Variants in IGSF3 observed in about 807,000 individuals in gnomAD.
IGSF3 encodes the protein immunoglobulin superfamily member 3, also known as glu-Trp-Ile EWI motif-containing protein 3.
IGSF3 carries 23 observed loss-of-function variants against 114.4 expected under a neutral mutation model. That is an observed-to-expected ratio of 0.20 (90% CI 0.14 to 0.28). IGSF3 has a LOEUF of 0.28. Among genes scored for constraint, IGSF3 ranks in the 10% least tolerant of loss-of-function variants. The pLI is 1.00. For synonymous variants in IGSF3, 571 were observed against 645.2 expected (o/e 0.88, Z 1.74); for missense variants, 1,172 against 1,591.5 (o/e 0.74, Z 4.48).
At position 116,574,800 on chromosome 1, in the gene IGSF3, G is replaced by A. The variant is rs1659270662; in HGVS notation, c.*2512C>T. 6.6e-6 allele frequency: 1 copy of A among 152,580 alleles called. No homozygotes were observed. The highest frequency in any genetic ancestry group is 2.4e-5 in the African/African-American group (1 of 41,434). 9.5% of individuals were successfully genotyped at this position (152,580 alleles called of 1,614,324 possible). Reference sequence around the variant, plus strand: ...GCAATGAGGTCTCACAGCCACTGGAGGGCACCATTACCATCCATCTGACAT... The same window carrying A: ...GCAATGAGGTCTCACAGCCACTGGAAGGCACCATTACCATCCATCTGACAT... On this transcript the variant is annotated 3_prime_UTR_variant, in exon 11 of 11. Coordinates refer to ENST00000369486, the MANE Select transcript of IGSF3 (RefSeq NM_001007237.3). This position sits in a 1 kb window ranked among gnomAD's most constrained non-coding sequence, Gnocchi z 5.2.
rs1038389076 is a variant in IGSF3, at chr1:116,610,401, C to T, written c.833-2070G>A. ...CATGCCTTGGTGACACCTTCATGTTCCCAGGTTGAAGACACAAGATTTACC... is the reference window on the plus strand; with the variant it reads ...CATGCCTTGGTGACACCTTCATGTTTCCAGGTTGAAGACACAAGATTTACC... On this transcript the variant is annotated intron_variant, in intron 4 of 10. Coordinates refer to ENST00000369486, the MANE Select transcript of IGSF3 (RefSeq NM_001007237.3). This position sits in a 1 kb window ranked among gnomAD's most constrained non-coding sequence, Gnocchi z 4.3. Among the ~76,000 whole-genome samples the T allele has an allele frequency of 2.4e-4, 37 of 152,180 alleles. No individual in the cohort carries two copies. Among genetic ancestry groups the T allele is most frequent in the Non-Finnish European group, 5.0e-4 (34 of 68,038 alleles).
intron 2 of IGSF3, among the ~76,000 whole-genome samples, chr1:116,630,881 G>A (rs1185713798): frequency 6.6e-6 from 1 of 152,232 alleles, no homozygotes; most frequent in Non-Finnish European, 1.5e-5. Flanking sequence ...TCGAATCTAT[G>A]CAGAGCTGCA....
Position 116,586,041 on chromosome 1 carries a change from A to G in IGSF3, c.2441-989T>C, listed in dbSNP as rs74111633. Among the ~76,000 whole-genome samples the G allele has an allele frequency of 1.7e-3, 261 of 152,298 alleles. 2 individuals are homozygous for G. Among genetic ancestry groups the G allele is most frequent in the African/African-American group, 6.0e-3 (250 of 41,580 alleles). ...ATGCTTGTAATTTCACAAGGGCCCA[A>G]ATGAGTCTATCAGGACCAGAGGTAT... On this transcript the variant is annotated intron_variant, in intron 8 of 10. Transcript: ENST00000369486.
At chr1:116,640,037 CAAAAA>C (rs34003833) in intron 2 of IGSF3, among the ~76,000 whole-genome samples, 1 of 65,290 alleles carries the variant, frequency 1.5e-5, no homozygotes, top group East Asian at 5.3e-4. Context: ...GACTCTATCT[CAAAAA>C]AAAAAAAAAA....
intron 2 of IGSF3, among the ~76,000 whole-genome samples, chr1:116,623,442 T>C (rs1177167852): frequency 2.0e-5 from 3 of 151,844 alleles, no homozygotes; most frequent in Non-Finnish European, 2.9e-5. Context: ...TCCCAGCACT[T>C]TGGGAGGCCA....
At chr1:116,620,524 T>C (rs1206626505) in intron 2 of IGSF3, among the ~76,000 whole-genome samples, 1 of 152,198 alleles carries the variant, frequency 6.6e-6, no homozygotes, top group Admixed American at 6.5e-5. Flanking sequence ...CTGACCTACG[T>C]GACCAATAGG....
Position 116,600,338 on chromosome 1 carries a change from G to A in IGSF3, c.1632C>T (p.Gly544=), listed in dbSNP as rs568566377. 2.5e-6 allele frequency: 4 copies of A among 1,606,812 alleles called. No individual in the cohort carries two copies. In the East Asian group the frequency reaches 6.7e-5, roughly 27 times the overall value. ...TPISITALEM[G]FAVTAISRTP... is the part of the protein sequence containing the mutation. ...TCCGGGAGATGGCTGTGACTGCGAA[G>A]CCCATTTCTGGAGAGAAAGCAGAGA... Residue 544 remains glycine, a synonymous_variant, in exon 7 of 11, where the codon GGC becomes GGT. Transcript: ENST00000369486. This position sits in a 1 kb window ranked among gnomAD's most constrained non-coding sequence, Gnocchi z 5.5.
rs1200987929 is a variant in IGSF3, at chr1:116,649,424, G to T, written c.43+16860C>A. Among the ~76,000 whole-genome samples, 1 of 152,180 alleles carries T rather than the reference G, an allele frequency of 6.6e-6. No homozygotes were observed. The highest frequency in any genetic ancestry group is 6.5e-5 in the Admixed American group (1 of 15,286). On this transcript the variant is annotated intron_variant, in intron 2 of 10. Coordinates refer to ENST00000369486, the MANE Select transcript of IGSF3 (RefSeq NM_001007237.3). The surrounding 1 kb of genome is among the most constrained non-coding windows in gnomAD (Gnocchi z 4.5). ...CCAAAGTCTAGCCCTATTTTCAAAT[G>T]AATTCAACGCCTCATTACTTAGATC...
intron 2 of IGSF3, among the ~76,000 whole-genome samples, chr1:116,620,799 G>A (rs1203745777): frequency 1.3e-5 from 2 of 152,196 alleles, no homozygotes; most frequent in African/African-American, 2.4e-5. Context: ...AGAGTGCAGT[G>A]GTGCAATCAT....
At position 116,603,669 on chromosome 1, in the gene IGSF3, C is replaced by T; in HGVS notation, c.1579G>A (p.Val527Ile). ...GGAGTGCTGGCCCGGCGCTCCCCAA[C>T]AATCTGCCACTCGCCATCCACTGCC... ...VRAVDGEWQI[V>I]GERRASTPIS... The change falls in exon 6 of 11, where the codon GTT becomes ATT. Residue 527 changes from valine (V) to isoleucine (I), a missense_variant. Physicochemically the swap from Val to Ile is conservative, Grantham distance 29. Transcript: ENST00000369486. The surrounding 1 kb of genome is among the most constrained non-coding windows in gnomAD (Gnocchi z 7.1). The T allele has an allele frequency of 6.2e-7, 1 of 1,613,932 alleles. No individual in the cohort carries two copies. The highest frequency in any genetic ancestry group is 1.1e-5 in the South Asian group (1 of 91,064).
At position 116,624,296 on chromosome 1, in the gene IGSF3, C is replaced by T. The variant is rs559241; in HGVS notation, c.44-7839G>A. 1.2e-4 allele frequency among the ~76,000 whole-genome samples: 18 copies of T among 151,766 alleles called. No individual in the cohort carries two copies. Among genetic ancestry groups the T allele is most frequent in the Admixed American group, 6.6e-5 (1 of 15,240 alleles). Reference sequence around the variant, plus strand: ...CCAGCAGCAAACCTAAAGTTTGGATCGAATTCCTAAGTCTTCGCCTTCACT... The same window carrying T: ...CCAGCAGCAAACCTAAAGTTTGGATTGAATTCCTAAGTCTTCGCCTTCACT... On this transcript the variant is annotated intron_variant, in intron 2 of 10. Transcript: ENST00000369486. The surrounding 1 kb of genome is among the most constrained non-coding windows in gnomAD (Gnocchi z 4.9).
In IGSF3 at chr1:116,575,007, T is replaced by C. The variant is rs934624112; in HGVS notation, c.*2305A>G. On this transcript the variant is annotated 3_prime_UTR_variant, in exon 11 of 11. Coordinates refer to ENST00000369486, the MANE Select transcript of IGSF3 (RefSeq NM_001007237.3). The surrounding 1 kb of genome is among the most constrained non-coding windows in gnomAD (Gnocchi z 5.6). ...AATTTCCTACAATTGCTTTACATATTTGTGTGCAGCACCTACTTCTTTATC... is the reference window on the plus strand; with the variant it reads ...AATTTCCTACAATTGCTTTACATATCTGTGTGCAGCACCTACTTCTTTATC... 1 of 152,664 alleles carries C rather than the reference T, an allele frequency of 6.6e-6. No homozygotes were observed. Among genetic ancestry groups the C allele is most frequent in the Non-Finnish European group, 1.5e-5 (1 of 68,052 alleles). The allele number at this position is 152,664 out of a possible 1,614,324, so 9.5% of individuals were successfully genotyped here.
chr1:116,577,328 G>A lies in IGSF3; in HGVS notation c.3569C>T (p.Pro1190Leu), dbSNP rs1180134483. The change falls in exon 11 of 11, where the codon CCA becomes CTA. Residue 1190 changes from proline (P) to leucine (L), a missense_variant. By Grantham distance (98) the Pro-to-Leu change is moderately conservative. Coordinates refer to ENST00000369486, the MANE Select transcript of IGSF3 (RefSeq NM_001007237.3). This position sits in a 1 kb window ranked among gnomAD's most constrained non-coding sequence, Gnocchi z 5.7. ...CLEPPVLSIH[P>L]GAID ...ATCACCCGCTTAGTCTATGGCCCCT[G>A]GATGGATACTGAGAACAGGGGGCTC... 2 of 1,613,982 alleles carry A rather than the reference G, an allele frequency of 1.2e-6. No individual in the cohort carries two copies. The highest frequency in any genetic ancestry group is 1.1e-5 in the South Asian group (1 of 91,074).
chr1:116,577,865 G>A lies in IGSF3; in HGVS notation c.3335-303C>T, dbSNP rs1659419420. 6.6e-6 allele frequency among the ~76,000 whole-genome samples: 1 copy of A among 152,166 alleles called. No individual in the cohort carries two copies. Among genetic ancestry groups the A allele is most frequent in the African/African-American group, 2.4e-5 (1 of 41,424 alleles). ...TAATTTATTGATTGTGAACTCAACT[G>A]CATCTAGAATGGTGAAGAAGCTGCT... On this transcript the variant is annotated intron_variant, in intron 10 of 10. Transcript: ENST00000369486. This position sits in a 1 kb window ranked among gnomAD's most constrained non-coding sequence, Gnocchi z 5.7.
chr1:116,591,009 C>T (rs1366542416), intron 7 of IGSF3, among the ~76,000 whole-genome samples: 1 of 151,532 alleles, frequency 6.6e-6, no homozygotes, highest in East Asian at 1.9e-4. Flanking sequence ...AAGAACACAC[C>T]AGGCACCACT....
chr1:116,584,472 T>G lies in IGSF3; in HGVS notation c.2848+173A>C. 1.5e-6 allele frequency: 1 copy of G among 651,032 alleles called. No homozygotes were observed. Among genetic ancestry groups the G allele is most frequent in the Non-Finnish European group, 2.6e-6 (1 of 384,612 alleles). The allele number at this position is 651,032 out of a possible 1,614,324, so 40.3% of individuals were successfully genotyped here. On this transcript the variant is annotated intron_variant, in intron 9 of 10. Coordinates refer to ENST00000369486, the MANE Select transcript of IGSF3 (RefSeq NM_001007237.3). This position sits in a 1 kb window ranked among gnomAD's most constrained non-coding sequence, Gnocchi z 5.8. The stretch of plus-strand genomic sequence containing the variant: ...CCAAAGCCAGACGTGCAATTTTCCA[T>G]TCACAAGAAAAAAAATTCAGGCAAT...
rs768266775 is a variant in IGSF3, at chr1:116,589,091, C to A, written c.2043G>T (p.Gln681His). 1.9e-6 allele frequency: 3 copies of A among 1,613,214 alleles called. No individual in the cohort carries two copies. Among genetic ancestry groups the A allele is most frequent in the South Asian group, 2.2e-5 (2 of 90,988 alleles). The change falls in exon 8 of 11, where the codon CAG (glutamine) becomes CAT (histidine). Residue 681 changes from glutamine to histidine, a missense_variant. This residue lies in a region of IGSF3 where 736 missense variants were observed against 1,042.0 expected (regional missense o/e 0.71). Coordinates refer to ENST00000369486, the MANE Select transcript of IGSF3 (RefSeq NM_001007237.3). This position sits in a 1 kb window ranked among gnomAD's most constrained non-coding sequence, Gnocchi z 5.7. Reference protein sequence around the residue: ...IRVLQPVTKLQVSKSKRTLTL... With the variant: ...IRVLQPVTKLHVSKSKRTLTL... ...TGAGGGTCCTCTTCGATTTGCTCACCTGCAGCTTTGTCACTGCAAAGGAAA... is the reference window on the plus strand; with the variant it reads ...TGAGGGTCCTCTTCGATTTGCTCACATGCAGCTTTGTCACTGCAAAGGAAA...
In IGSF3 at chr1:116,638,383, G is replaced by C. The variant is rs1396697398; in HGVS notation, c.44-21926C>G. Among the ~76,000 whole-genome samples the C allele has an allele frequency of 6.6e-6, 1 of 152,176 alleles. No homozygotes were observed. The highest frequency in any genetic ancestry group is 1.5e-5 in the Non-Finnish European group (1 of 68,032). ...TTCCCTACTCTTGCCAGTCCACTCA[G>C]TAAACTACTGCCATACAGGTCTCCC... On this transcript the variant is annotated intron_variant, in intron 2 of 10. Coordinates refer to ENST00000369486, the MANE Select transcript of IGSF3 (RefSeq NM_001007237.3). The surrounding 1 kb of genome is among the most constrained non-coding windows in gnomAD (Gnocchi z 4.1).
At position 116,654,289 on chromosome 1, in the gene IGSF3, T is replaced by A. The variant is rs1175201006; in HGVS notation, c.43+11995A>T. ...GGCACCTGCTTTGGCACCTTGGCAA[T>A]TTCCACCAGGCAGAATTTACAACCG... On this transcript the variant is annotated intron_variant, in intron 2 of 10. Coordinates refer to ENST00000369486, the MANE Select transcript of IGSF3 (RefSeq NM_001007237.3). This position sits in a 1 kb window ranked among gnomAD's most constrained non-coding sequence, Gnocchi z 4.4. Among the ~76,000 whole-genome samples, 2 of 152,170 alleles carry A rather than the reference T, an allele frequency of 1.3e-5. No individual in the cohort carries two copies. Among genetic ancestry groups the A allele is most frequent in the East Asian group, 3.9e-4 (2 of 5,186 alleles).
Sources: allele counts gnomAD v4.1 joint callset (sites outside exome capture counted in the v4.1 genomes callset), GRCh38; gene constraint gnomAD v4.1.1; regional missense constraint gnomAD v4.1.1; non-coding constraint Gnocchi (gnomAD v3.1); transcripts MANE v1.5; gene names NCBI Gene and HGNC (gene_info 2026-07-23, HGNC 2026-07-21).